MCF2L: variants seen among roughly 807,000 people sequenced by gnomAD.
The protein encoded by MCF2L is MCF.2 cell line derived transforming sequence like, also known as guanine nucleotide exchange factor DBS.
A neutral mutation model predicts 153.4 loss-of-function variants in MCF2L; 97 were observed. The ratio of observed to expected loss-of-function variants is 0.63; its 90% CI spans 0.54 to 0.75. The LOEUF is 0.75. Among genes scored for constraint, MCF2L ranks in the 30% least tolerant of loss-of-function variants. MCF2L has a pLI of 0.00. For synonymous variants in MCF2L, 659 were observed against 632.2 expected, an observed-to-expected ratio of 1.04 and a Z score of -0.64; for missense variants, 1,347 against 1,495.2, an observed-to-expected ratio of 0.90 and a Z score of 1.64.
At position 113,089,731 on chromosome 13, in the gene MCF2L, G is replaced by T; in HGVS notation, c.2953+3G>T. ...AAAGCCCCCCGAAAAGGGCAAAGGTGGGTATGTGCAGGGACCGGGCCTCAC... is the reference window on the plus strand; with the variant it reads ...AAAGCCCCCCGAAAAGGGCAAAGGTTGGTATGTGCAGGGACCGGGCCTCAC... On this transcript the variant is annotated splice_donor_region_variant and intron_variant, in intron 26 of 29. Coordinates refer to ENST00000535094, the MANE Select transcript of MCF2L (RefSeq NM_001112732.3). The T allele has an allele frequency of 6.2e-7, 1 of 1,612,856 alleles. No individual in the cohort carries two copies. Among genetic ancestry groups the T allele is most frequent in the Non-Finnish European group, 8.5e-7 (1 of 1,179,196 alleles).
At chr13:113,030,740 C>T (rs2141357342) in intron 3 of MCF2L, among the ~76,000 whole-genome samples, 1 of 152,324 alleles carries the variant, frequency 6.6e-6, no homozygotes, top group East Asian at 1.9e-4. Context: ...CAACATCGGC[C>T]AGGCCTTGAT....
At chr13:113,087,842 G>A (rs748930212) in intron 23 of MCF2L, 43 bp downstream of exon 23, 76 of 1,525,102 alleles carry the variant, frequency 5.0e-5, no homozygotes, top group Non-Finnish European at 5.8e-5. Context: ...ACATTGCCAC[G>A]AATGGTTTCT....
rs371475329 is a variant in MCF2L at position 113,075,228 on chromosome 13, G to T, written c.1308+39G>T. ...GACCCCACCCCACTCCCCCCCAGCTGCGGAACCAGCCTCTTCCTCCCACAT... is the reference window on the plus strand; with the variant it reads ...GACCCCACCCCACTCCCCCCCAGCTTCGGAACCAGCCTCTTCCTCCCACAT... On this transcript the variant is annotated intron_variant, in intron 11 of 29. Coordinates refer to ENST00000535094, the MANE Select transcript of MCF2L (RefSeq NM_001112732.3). 31 of 1,536,808 alleles carry T rather than the reference G, an allele frequency of 2.0e-5. No homozygotes were observed. The African/African-American group carries it at 3.8e-4, about 19-fold the overall frequency.
At chr13:113,094,016 C>T (rs1167656017) in intron 26 of MCF2L, 2 of 152,504 alleles carry the variant, frequency 1.3e-5, no homozygotes, top group Admixed American at 1.3e-4. Context: ...CCGGGGGCTA[C>T]TCTCTTGCCA....
At chr13:113,025,143 C>A (rs2085159183) in intron 3 of MCF2L, among the ~76,000 whole-genome samples, 1 of 83,848 alleles carries the variant, frequency 1.2e-5, no homozygotes, top group Admixed American at 1.2e-4. Context: ...GTGAGATTTC[C>A]CCATCATGCG....
Position 112,969,953 on chromosome 13 carries a change from C to A in MCF2L, c.79+495C>A, listed in dbSNP as rs1021120858. On this transcript the variant is annotated intron_variant, in intron 1 of 29. Transcript: ENST00000535094. The surrounding 1 kb of genome is among the most constrained non-coding windows in gnomAD (Gnocchi z 4.8). Reference sequence around the variant, plus strand: ...TTAAACCTAAGACAGATGTTTGAGACGGTATGGGTAAAGAGTGGACTGGAC... The same window carrying A: ...TTAAACCTAAGACAGATGTTTGAGAAGGTATGGGTAAAGAGTGGACTGGAC... Among the ~76,000 whole-genome samples, 5 of 152,110 alleles carry A rather than the reference C, an allele frequency of 3.3e-5. No homozygotes were observed. The highest frequency in any genetic ancestry group is 7.4e-5 in the Non-Finnish European group (5 of 68,022).
chr13:112,963,203 C>T (rs994275927), intron 2 of MCF2L, among the ~76,000 whole-genome samples: 2 of 152,346 alleles, frequency 1.3e-5, no homozygotes, highest in African/African-American at 2.4e-5. Flanking sequence ...CAGGGAATGC[C>T]GCTGTCTCTT....
At chr13:113,071,625 G>T (rs1157576176) in intron 9 of MCF2L, among the ~76,000 whole-genome samples, 5 of 152,140 alleles carry the variant, frequency 3.3e-5, no homozygotes, top group African/African-American at 1.2e-4. Flanking sequence ...TTGTTGAAAA[G>T]GCCCTTTCTT....
chr13:112,944,951 G>T (rs1006735308), intron 2 of MCF2L, among the ~76,000 whole-genome samples: 7 of 151,648 alleles, frequency 4.6e-5, no homozygotes, highest in Admixed American at 1.3e-4. Context: ...ATCACTTTGT[G>T]TTAGTCCTGG....
intron 14 of MCF2L, 45 bp downstream of exon 14, chr13:113,078,481 T>C (rs2141959657): frequency 6.5e-7 from 1 of 1,538,494 alleles, no homozygotes; most frequent in African/African-American, 1.4e-5. Context: ...CCCCCCTCCT[T>C]GGTTCACGCT....
Position 113,027,976 on chromosome 13 carries a change from G to A in MCF2L, c.278+3218G>A, listed in dbSNP as rs934205038. ...AGGAAGGGCCTGTGTCCCAGGGGAC[G>A]GCCGGCCTGACAGGTACATCCGCCC... On this transcript the variant is annotated intron_variant, in intron 3 of 29. Coordinates refer to ENST00000535094, the MANE Select transcript of MCF2L (RefSeq NM_001112732.3). This position sits in a 1 kb window ranked among gnomAD's most constrained non-coding sequence, Gnocchi z 4.8. 1.3e-5 allele frequency among the ~76,000 whole-genome samples: 2 copies of A among 152,202 alleles called. No individual in the cohort carries two copies. Among genetic ancestry groups the A allele is most frequent in the Admixed American group, 6.5e-5 (1 of 15,308 alleles).
At chr13:113,025,848 A>G (rs1227747687) in intron 3 of MCF2L, among the ~76,000 whole-genome samples, 1 of 137,190 alleles carries the variant, frequency 7.3e-6, no homozygotes, top group African/African-American at 2.7e-5. Context: ...AGGTTTCATC[A>G]TGGTGGGGTC....
In MCF2L at chr13:112,974,399, C is replaced by T. The variant is rs549361674; in HGVS notation, c.79+4941C>T. On this transcript the variant is annotated intron_variant, in intron 1 of 29. Coordinates refer to ENST00000535094, the MANE Select transcript of MCF2L (RefSeq NM_001112732.3). Reference sequence around the variant, plus strand: ...GCCTCTGAGTCCATGAAGCCCCCGGCGTGGCCAACCTCATTGGATGAGTTT... The same window carrying T: ...GCCTCTGAGTCCATGAAGCCCCCGGTGTGGCCAACCTCATTGGATGAGTTT... 9.8e-5 allele frequency among the ~76,000 whole-genome samples: 15 copies of T among 152,324 alleles called. No homozygotes were observed. In the East Asian group the frequency reaches 1.5e-3, roughly 16 times the overall value.
chr13:113,051,272 G>A (rs926793977), intron 4 of MCF2L, among the ~76,000 whole-genome samples: 2 of 140,816 alleles, frequency 1.4e-5, no homozygotes, highest in Admixed American at 7.2e-5. Flanking sequence ...CTGCCGATGG[G>A]GTGGGGCGGC....
intron 2 of MCF2L, among the ~76,000 whole-genome samples, chr13:112,915,744 C>T (rs1214714509): frequency 1.3e-5 from 2 of 152,044 alleles, no homozygotes; most frequent in African/African-American, 2.4e-5. Flanking sequence ...CATCTCGTCC[C>T]GAGTGGATTG....
intron 3 of MCF2L, among the ~76,000 whole-genome samples, chr13:113,038,760 G>A (rs1320852547): frequency 6.6e-6 from 1 of 152,224 alleles, no homozygotes; most frequent in Non-Finnish European, 1.5e-5. Context: ...TTATTAAAGT[G>A]ACAGTGATTA....
rs559972013 is a variant in MCF2L, at chr13:112,973,415, T to C, written c.79+3957T>C. Among the ~76,000 whole-genome samples the C allele has an allele frequency of 1.4e-4, 22 of 152,326 alleles. No individual in the cohort carries two copies. In the South Asian group the frequency reaches 4.6e-3, roughly 32 times the overall value. On this transcript the variant is annotated intron_variant, in intron 1 of 29. Coordinates refer to ENST00000535094, the MANE Select transcript of MCF2L (RefSeq NM_001112732.3). ...ACATTTAAAAAACAATTAGCTTTCA[T>C]GGGATGTTGTTATGGATCTTGTTAG...
chr13:113,093,270 TCA>T (rs1243105088), intron 26 of MCF2L, among the ~76,000 whole-genome samples: 2 of 152,170 alleles, frequency 1.3e-5, no homozygotes, highest in Non-Finnish European at 2.9e-5. Context: ...AACCGGAAAA[TCA>T]CAGTCCTCAA....
intron 1 of MCF2L, among the ~76,000 whole-genome samples, chr13:112,979,117 ACGGGAGCCACAGG>A (rs2082312195): frequency 6.6e-6 from 1 of 152,224 alleles, no homozygotes; most frequent in Non-Finnish European, 1.5e-5. Context: ...TCGGCAGCAG[ACGGGAGCCACAGG>A]CGTGGAACTT....
Sources: allele counts gnomAD v4.1 joint callset (sites outside exome capture counted in the v4.1 genomes callset), GRCh38; gene constraint gnomAD v4.1.1; non-coding constraint Gnocchi (gnomAD v3.1); transcripts MANE v1.5; gene names NCBI Gene and HGNC (gene_info 2026-07-23, HGNC 2026-07-21).